Variants in RNF217 observed in about 807,000 individuals in gnomAD.
RNF217 encodes E3 ubiquitin-protein ligase RNF217.
Under a neutral mutation model 57.8 loss-of-function variants are expected in RNF217, and 31 were observed. The ratio of observed to expected loss-of-function variants is 0.54; its 90% CI spans 0.40 to 0.72. RNF217 has a LOEUF of 0.72. Ranked by LOEUF, RNF217 falls within the 30% of genes least tolerant of loss-of-function variation. The probability of loss-of-function intolerance (pLI) is 0.00; values close to 1 mark genes in which losing one functional copy is unlikely to be tolerated. For synonymous variants in RNF217, 313 were observed against 294.0 expected (o/e 1.06, Z -0.66); for missense variants, 696 against 708.3 (o/e 0.98, Z 0.20).
chr6:125,036,249 C>A (rs185367800), intron 1 of RNF217, among the ~76,000 whole-genome samples: 3 of 152,084 alleles, frequency 2.0e-5, no homozygotes, highest in African/African-American at 7.2e-5. Context: ...CTGCAAAGGA[C>A]GTGAACTCAT....
chr6:125,031,031 C>T (rs4555935), intron 1 of RNF217, among the ~76,000 whole-genome samples: 58,506 of 152,144 alleles, frequency 0.38, 12,032 homozygotes, highest in South Asian at 0.56. Flanking sequence ...TGCACATGCA[C>T]GCGGAACACC....
intron 1 of RNF217, among the ~76,000 whole-genome samples, chr6:125,026,696 T>A (rs1035439638): frequency 6.6e-6 from 1 of 152,186 alleles, no homozygotes; most frequent in Non-Finnish European, 1.5e-5. Flanking sequence ...CAGCTTTTTT[T>A]AGGTAGGGAA....
intron 3 of RNF217, among the ~76,000 whole-genome samples, chr6:125,060,200 A>G (rs1787678670): frequency 1.3e-5 from 2 of 152,158 alleles, no homozygotes; most frequent in Admixed American, 1.3e-4. Context: ...ATTTATAAAT[A>G]TAAAATAGGA....
At chr6:125,046,813 C>T (rs1351362512) in intron 2 of RNF217, among the ~76,000 whole-genome samples, 1 of 151,948 alleles carries the variant, frequency 6.6e-6, no homozygotes, top group Non-Finnish European at 1.5e-5. Flanking sequence ...CTTCATGAGT[C>T]GTTGTTCTTT....
intron 1 of RNF217, chr6:124,983,369 G>A: frequency 3.0e-6 from 3 of 984,906 alleles, no homozygotes; most frequent in Non-Finnish European, 3.6e-6. Context: ...ACTTTATTTA[G>A]TATACAGAGG....
At chr6:125,004,894 A>C (rs966125545) in intron 1 of RNF217, among the ~76,000 whole-genome samples, 3 of 152,194 alleles carry the variant, frequency 2.0e-5, no homozygotes, top group South Asian at 4.1e-4. Context: ...GCTATAACAG[A>C]ATACCACAGA....
chr6:125,065,510 A>G (rs1787904632), intron 3 of RNF217, among the ~76,000 whole-genome samples: 1 of 152,094 alleles, frequency 6.6e-6, no homozygotes, highest in Non-Finnish European at 1.5e-5. Context: ...TGTGACAACT[A>G]GACACTCCAG....
Position 125,081,422 on chromosome 6 carries a change from C to G in RNF217, c.1484-14C>G, listed in dbSNP as rs936102507. ...TTTAAGACTCCTTAAATAATTTTGC[C>G]TTTTGTTTTCCAGCTGGAAAATTAT... On this transcript the variant is annotated splice_polypyrimidine_tract_variant and intron_variant, in intron 4 of 5. Coordinates refer to ENST00000521654, the MANE Select transcript of RNF217 (RefSeq NM_001286398.3). 1 of 1,607,572 alleles carries G rather than the reference C, an allele frequency of 6.2e-7. No individual in the cohort carries two copies. Among genetic ancestry groups the G allele is most frequent in the African/African-American group, 1.3e-5 (1 of 74,636 alleles).
At position 125,091,487 on chromosome 6, in the gene RNF217, A is replaced by AATCAAATACATT. The variant is rs1421107374; in HGVS notation, c.*8550_*8551insATCAAATACATT. Reference sequence around the variant, plus strand: ...TAATCTACTGTATTATCTCTAAAACAGGTTAGCCAATGTATTTTTCTTAAA... The same window carrying AATCAAATACATT: ...TAATCTACTGTATTATCTCTAAAACAATCAAATACATTGGTTAGCCAATGTATTTTTCTTAAA... On this transcript the variant is annotated 3_prime_UTR_variant, in exon 6 of 6. Coordinates refer to ENST00000521654, the MANE Select transcript of RNF217 (RefSeq NM_001286398.3). 1 of 152,142 alleles carries AATCAAATACATT rather than the reference A, an allele frequency of 6.6e-6. No individual in the cohort carries two copies. The highest frequency in any genetic ancestry group is 1.5e-5 in the Non-Finnish European group (1 of 67,972). The allele number at this position is 152,142 out of a possible 1,614,324, so 9.4% of individuals were successfully genotyped here.
intron 1 of RNF217, among the ~76,000 whole-genome samples, chr6:125,036,466 G>A (rs562192451): frequency 2.6e-4 from 39 of 152,154 alleles, no homozygotes; most frequent in African/African-American, 8.7e-4. Context: ...TGGGTCAAAT[G>A]GTATTCCTGG....
chr6:125,046,780 G>T, intron 2 of RNF217: 1 of 390,040 alleles, frequency 2.6e-6, no homozygotes, highest in South Asian at 1.9e-5. Flanking sequence ...ATAAGCTACA[G>T]TATTGTAGGT....
intron 2 of RNF217, among the ~76,000 whole-genome samples, chr6:125,051,022 T>C (rs1364011500): frequency 2.0e-5 from 3 of 151,990 alleles, no homozygotes; most frequent in Non-Finnish European, 2.9e-5. Flanking sequence ...TACTAAATTA[T>C]GTTAGCATTT....
intron 1 of RNF217, among the ~76,000 whole-genome samples, chr6:124,999,295 A>G (rs931762788): frequency 1.4e-4 from 21 of 152,202 alleles, no homozygotes; most frequent in Non-Finnish European, 2.1e-4. Flanking sequence ...GGAAGTTGGC[A>G]CTTCAAGCTG....
intron 1 of RNF217, among the ~76,000 whole-genome samples, chr6:125,007,500 G>A (rs1785235276): frequency 6.6e-6 from 1 of 152,090 alleles, no homozygotes; most frequent in Non-Finnish European, 1.5e-5. Context: ...ACCTGCCTCA[G>A]CCTCCCAAAG....
In RNF217 at chr6:124,963,040, G is replaced by A. The variant is rs762043790; in HGVS notation, c.496G>A (p.Val166Met). The A allele has an allele frequency of 1.1e-5, 18 of 1,586,144 alleles. No individual in the cohort carries two copies. In the East Asian group the frequency reaches 3.8e-4, roughly 34 times the overall value. Residue 166 changes from valine (V) to methionine (M), a missense_variant, in exon 1 of 6, where the codon GTG becomes ATG. Val to Met is a conservative substitution (Grantham distance 21). Around this residue, in one of 2 missense-constraint regions of RNF217, gnomAD observed 465 missense variants for 386.8 expected, o/e 1.20. Coordinates refer to ENST00000521654, the MANE Select transcript of RNF217 (RefSeq NM_001286398.3). ...CGCCAAGAGACAAGTCTTCTGCTCC[G>A]TGTACTGCGTGGAGAGCGACCTGCC... ...SLAKRQVFCS[V>M]YCVESDLPEA...
intron 1 of RNF217, among the ~76,000 whole-genome samples, chr6:125,022,649 A>G (rs776402090): frequency 6.6e-6 from 1 of 152,182 alleles, no homozygotes; most frequent in East Asian, 1.9e-4. Context: ...CTTATAAACC[A>G]GTGATCAAGG....
intron 1 of RNF217, among the ~76,000 whole-genome samples, chr6:124,969,437 C>T (rs971108932): frequency 6.6e-6 from 1 of 152,128 alleles, no homozygotes; most frequent in East Asian, 1.9e-4. Flanking sequence ...TGAATTTTTG[C>T]TTTAAAAATT....
chr6:125,037,785 TC>T (rs1268261265), intron 1 of RNF217, among the ~76,000 whole-genome samples: 2 of 152,158 alleles, frequency 1.3e-5, no homozygotes, highest in Non-Finnish European at 2.9e-5. Flanking sequence ...GTTGCAATAT[TC>T]TCTTCTCTCT....
intron 2 of RNF217, among the ~76,000 whole-genome samples, chr6:125,051,200 AC>A (rs574234807): frequency 1.8e-4 from 27 of 152,012 alleles, no homozygotes; most frequent in Non-Finnish European, 3.8e-4. Flanking sequence ...ACCTAAAAAA[AC>A]AAACTATAGT....
Sources: gnomAD v4.1 joint callset for allele counts (sites outside exome capture counted in the v4.1 genomes callset) on GRCh38, gnomAD v4.1.1 for gene constraint, gnomAD v4.1.1 regional missense constraint, MANE v1.5 for transcripts, NCBI Gene and HGNC (gene_info 2026-07-23, HGNC 2026-07-21) for gene names.